Variants in QSER1 observed in about 807,000 individuals in gnomAD.
QSER1 encodes glutamine and serine rich 1, also known as glutamine and serine-rich protein 1.
Under a neutral mutation model 158.5 loss-of-function variants are expected in QSER1, and 49 were observed. The ratio of observed to expected loss-of-function variants is 0.31; its 90% CI spans 0.25 to 0.39. The LOEUF is 0.39. QSER1 is among the 10% of genes least tolerant of loss of function. The probability of loss-of-function intolerance (pLI) is 1.00; values close to 1 mark genes in which losing one functional copy is unlikely to be tolerated. For synonymous variants in QSER1, 650 were observed against 715.5 expected, an observed-to-expected ratio of 0.91 and a Z score of 1.46; for missense variants, 1,754 against 2,010.3, an observed-to-expected ratio of 0.87 and a Z score of 2.44.
intron 10 of QSER1, among the ~76,000 whole-genome samples, chr11:32,969,771 G>C (rs539166054): frequency 2.0e-5 from 3 of 148,100 alleles, no homozygotes; most frequent in South Asian, 2.1e-4. Flanking sequence ...TGCAACCTCT[G>C]CCTCCTGAGT....
chr11:32,909,778 A>G (rs1006182805), intron 1 of QSER1, among the ~76,000 whole-genome samples: 1 of 152,054 alleles, frequency 6.6e-6, no homozygotes, highest in Non-Finnish European at 1.5e-5. Flanking sequence ...TTTAAAAGCA[A>G]TTTCTCATGA....
chr11:32,935,932 C>G (rs1852146160), intron 4 of QSER1, among the ~76,000 whole-genome samples: 1 of 152,238 alleles, frequency 6.6e-6, no homozygotes, highest in African/African-American at 2.4e-5. Context: ...AGCATGCACA[C>G]TAATATAATT....
chr11:32,925,771 G>A (rs1272471201), intron 1 of QSER1, among the ~76,000 whole-genome samples: 9 of 151,920 alleles, frequency 5.9e-5, no homozygotes, highest in Admixed American at 1.3e-4. Context: ...CAAGTGATCC[G>A]CCTGCCTCAT....
At chr11:32,938,448 A>G (rs894770006) in intron 4 of QSER1, among the ~76,000 whole-genome samples, 4 of 152,210 alleles carry the variant, frequency 2.6e-5, no homozygotes, top group African/African-American at 9.6e-5. Flanking sequence ...ACTTTTGCAC[A>G]TAGGTTGCAC....
At chr11:32,921,927 T>C (rs1851904205) in intron 1 of QSER1, among the ~76,000 whole-genome samples, 16 of 152,208 alleles carry the variant, frequency 1.1e-4, no homozygotes, top group Admixed American at 1.0e-3. Flanking sequence ...TGTAACACTA[T>C]AGTCAAGAAA....
chr11:32,906,474 CTG>C (rs1851694863), intron 1 of QSER1, among the ~76,000 whole-genome samples: 1 of 152,144 alleles, frequency 6.6e-6, no homozygotes, highest in Non-Finnish European at 1.5e-5. Context: ...CAGTGGCTCT[CTG>C]TAACCTGAAG....
At chr11:32,940,005 G>A (rs892023198) in intron 4 of QSER1, among the ~76,000 whole-genome samples, 2 of 131,626 alleles carry the variant, frequency 1.5e-5, no homozygotes, top group African/African-American at 5.9e-5. Context: ...ATAATTCTCT[G>A]CAACTGGGAC....
At chr11:32,941,573 GT>G (rs1355436391) in intron 4 of QSER1, among the ~76,000 whole-genome samples, 1 of 151,756 alleles carries the variant, frequency 6.6e-6, no homozygotes, top group Non-Finnish European at 1.5e-5. Flanking sequence ...ATCATTTTTT[GT>G]GGCTGCATAG....
rs77688739 is a variant in QSER1 at position 32,978,072 on chromosome 11, A to G, written c.*1598A>G. The G allele has an allele frequency of 0.024, 3,608 of 152,672 alleles. 66 individuals are homozygous for G. Among genetic ancestry groups the G allele is most frequent in the African/African-American group, 0.054 (2,226 of 41,536 alleles). 9.5% of individuals were successfully genotyped at this position (152,672 alleles called of 1,614,324 possible). A position where few individuals can be genotyped will look rare whatever the true frequency, so the allele number is the denominator to read the frequency against. On this transcript the variant is annotated 3_prime_UTR_variant, in exon 13 of 13. Transcript: ENST00000650167. Reference sequence around the variant, plus strand: ...AAATGAGTATTTGAGTTAAGCTTACATATTTATTTCTGATGGTTATCTTAT... The same window carrying G: ...AAATGAGTATTTGAGTTAAGCTTACGTATTTATTTCTGATGGTTATCTTAT...
intron 1 of QSER1, among the ~76,000 whole-genome samples, chr11:32,922,477 TA>T (rs1294514799): frequency 1.6e-5 from 2 of 125,236 alleles, no homozygotes; most frequent in East Asian, 2.5e-4. Context: ...TTAGAATGGC[TA>T]ATTTTTTTTT....
chr11:32,952,401 C>G (rs1590177070), intron 4 of QSER1, among the ~76,000 whole-genome samples: 2 of 10,762 alleles, frequency 1.9e-4, no homozygotes, highest in South Asian at 0.022. Context: ...TTTCTATTAA[C>G]ACAGTGTATT....
intron 1 of QSER1, among the ~76,000 whole-genome samples, chr11:32,917,821 CAAAAAAAAA>C (rs371007117): frequency 3.6e-4 from 29 of 80,818 alleles, no homozygotes; most frequent in East Asian, 1.4e-3. Context: ...GACTCTGTCT[CAAAAAAAAA>C]AAAAAAAAAA....
chr11:32,970,547 A>G (rs996988838), intron 10 of QSER1, among the ~76,000 whole-genome samples: 2 of 151,996 alleles, frequency 1.3e-5, no homozygotes, highest in African/African-American at 4.8e-5. Context: ...TGGGTCCACA[A>G]GCATGCACCA....
At chr11:32,941,080 C>T (rs1590171082) in intron 4 of QSER1, among the ~76,000 whole-genome samples, 2 of 151,786 alleles carry the variant, frequency 1.3e-5, no homozygotes, top group Admixed American at 6.6e-5. Context: ...GACCATATCT[C>T]ATGGTTTCAG....
At chr11:32,971,860 G>A (rs11032073) in intron 10 of QSER1, among the ~76,000 whole-genome samples, 14,658 of 152,058 alleles carry the variant, frequency 0.096, 949 homozygotes, top group Non-Finnish European at 0.14. Flanking sequence ...TCAGGAGATC[G>A]AGACCATCCT....
chr11:32,905,492 G>A (rs1851680842), intron 1 of QSER1, among the ~76,000 whole-genome samples: 1 of 152,212 alleles, frequency 6.6e-6, no homozygotes, highest in Non-Finnish European at 1.5e-5. Context: ...TGATGTCAAA[G>A]TAAAAGTGTG....
intron 1 of QSER1, among the ~76,000 whole-genome samples, chr11:32,911,898 A>G (rs1851771683): frequency 6.6e-6 from 1 of 152,210 alleles, no homozygotes; most frequent in Non-Finnish European, 1.5e-5. Context: ...TGATATCTTA[A>G]GTGGAAGAGG....
intron 1 of QSER1, among the ~76,000 whole-genome samples, chr11:32,917,642 A>G (rs907948868): frequency 6.6e-6 from 1 of 152,024 alleles, no homozygotes; most frequent in South Asian, 2.1e-4. Context: ...CCTAGCCAAC[A>G]TGGTGAAACC....
chr11:32,977,963 T>G lies in QSER1; in HGVS notation c.*1489T>G, dbSNP rs995018867. ...CTTTTGAGTTAACAGGCCAACTTTTTATACTTAAAACCTCAGTAAACTGGC... is the reference window on the plus strand; with the variant it reads ...CTTTTGAGTTAACAGGCCAACTTTTGATACTTAAAACCTCAGTAAACTGGC... On this transcript the variant is annotated 3_prime_UTR_variant, in exon 13 of 13. Coordinates refer to ENST00000650167, the MANE Select transcript of QSER1 (RefSeq NM_001076786.3). The G allele has an allele frequency of 6.6e-6, 1 of 152,646 alleles. No individual in the cohort carries two copies. The highest frequency in any genetic ancestry group is 2.4e-5 in the African/African-American group (1 of 41,462). The allele number at this position is 152,646 out of a possible 1,614,324, so 9.5% of individuals were successfully genotyped here. A position where few individuals can be genotyped will look rare whatever the true frequency, so the allele number is the denominator to read the frequency against.
Sources: gnomAD v4.1 joint callset for allele counts (sites outside exome capture counted in the v4.1 genomes callset) on GRCh38, gnomAD v4.1.1 for gene constraint, MANE v1.5 for transcripts, NCBI Gene and HGNC (gene_info 2026-07-23, HGNC 2026-07-21) for gene names.